Variants in ZBTB32 observed in about 807,000 individuals in gnomAD.
ZBTB32 encodes the protein zinc finger and BTB domain-containing protein 32.
A neutral mutation model predicts 45.3 loss-of-function variants in ZBTB32; 28 were observed. The ratio of observed to expected loss-of-function variants is 0.62; its 90% CI spans 0.46 to 0.85. ZBTB32 has a LOEUF of 0.85. Among genes scored for constraint, ZBTB32 ranks in the 40% least tolerant of loss-of-function variants. The probability of loss-of-function intolerance (pLI) is 0.00; values close to 1 mark genes in which losing one functional copy is unlikely to be tolerated. For synonymous variants in ZBTB32, 283 were observed against 255.7 expected (o/e 1.11, Z -1.02); for missense variants, 587 against 624.4 (o/e 0.94, Z 0.64).
At chr19:35,712,436 C>T (rs925200313) in intron 1 of ZBTB32, among the ~76,000 whole-genome samples, 3 of 152,182 alleles carry the variant, frequency 2.0e-5, no homozygotes, top group African/African-American at 7.2e-5. Context: ...GGCAACAGAG[C>T]AAGACCCCGT....
rs1443446787 is a variant in ZBTB32, at chr19:35,715,506, A to T, written c.880A>T (p.Arg294Trp). The change falls in exon 3 of 7, where the codon AGG (arginine) becomes TGG (tryptophan). Residue 294 changes from arginine to tryptophan, a missense_variant and splice_region_variant. Transcript: ENST00000392197. ...GAWQEVWREQ[R>W]IPLSLNAPKG... ...CTGGCAGGAGGTCTGGCGGGAACAG[A>T]GGTGAGTGGCGGGGTCTAGTGCTCT... The T allele has an allele frequency of 2.0e-6, 3 of 1,536,072 alleles. No individual in the cohort carries two copies. Among genetic ancestry groups the T allele is most frequent in the Non-Finnish European group, 2.6e-6 (3 of 1,144,478 alleles).
intron 1 of ZBTB32, among the ~76,000 whole-genome samples, chr19:35,712,033 A>AAG (rs1488309677): frequency 2.8e-5 from 3 of 107,408 alleles, no homozygotes; most frequent in African/African-American, 9.0e-5. Flanking sequence ...TCAAAAAAAA[A>AAG]AAAAAAAAAA....
At chr19:35,705,812 G>C (rs955399153) in intron 1 of ZBTB32, among the ~76,000 whole-genome samples, 1 of 151,666 alleles carries the variant, frequency 6.6e-6, no homozygotes, top group Non-Finnish European at 1.5e-5. Context: ...TCAGGAGTCT[G>C]AGGCAGGAGA....
chr19:35,706,740 A>G (rs1436128371), intron 1 of ZBTB32, among the ~76,000 whole-genome samples: 1 of 151,858 alleles, frequency 6.6e-6, no homozygotes, highest in African/African-American at 2.4e-5. Flanking sequence ...TAAGTAAATA[A>G]CATAAAGGAA....
chr19:35,714,146 G>C (rs1036281374), intron 2 of ZBTB32: 1 of 152,890 alleles, frequency 6.5e-6, no homozygotes, highest in Non-Finnish European at 1.5e-5. Context: ...CCATCCCTTA[G>C]TGCCGGCGTT....
At chr19:35,715,595 C>T in intron 3 of ZBTB32, 88 bp downstream of exon 3, 3 of 1,481,678 alleles carry the variant, frequency 2.0e-6, no homozygotes, top group Admixed American at 2.3e-5. Context: ...GGCACTGCAT[C>T]TCTACTGCAC....
chr19:35,716,841 C>A lies in ZBTB32; in HGVS notation c.*89C>A, dbSNP rs1968930597. On this transcript the variant is annotated 3_prime_UTR_variant, in exon 7 of 7. Coordinates refer to ENST00000392197, the MANE Select transcript of ZBTB32 (RefSeq NM_014383.3). The stretch of plus-strand genomic sequence containing the variant: ...TTCTGACCTGGCACCGCTGCTACGG[C>A]GGCCTAGCAAATTCCGCCCCAGAAG... 1 of 1,482,580 alleles carries A rather than the reference C, an allele frequency of 6.7e-7. No individual in the cohort carries two copies. The highest frequency in any genetic ancestry group is 9.1e-7 in the Non-Finnish European group (1 of 1,103,038). 91.8% of individuals were successfully genotyped at this position (1,482,580 alleles called of 1,614,324 possible).
chr19:35,705,121 CAT>C (rs1968506483), intron 1 of ZBTB32, among the ~76,000 whole-genome samples: 1 of 151,946 alleles, frequency 6.6e-6, no homozygotes, highest in South Asian at 2.1e-4. Flanking sequence ...GCCTGGCCAA[CAT>C]GGAGAAACCC....
Position 35,706,564 on chromosome 19 carries a change from A to C in ZBTB32, c.-222+1941A>C, listed in dbSNP as rs908904789. Among the ~76,000 whole-genome samples, 4 of 152,138 alleles carry C rather than the reference A, an allele frequency of 2.6e-5. No individual in the cohort carries two copies. In the South Asian group the frequency reaches 8.3e-4, roughly 32 times the overall value. On this transcript the variant is annotated intron_variant, in intron 1 of 6. Transcript: ENST00000392197. Reference sequence around the variant, plus strand: ...TGGTGAAACCCCATCTCTACTAAAAATGCAAAAAATTAGCCGGGCATGGTA... The same window carrying C: ...TGGTGAAACCCCATCTCTACTAAAACTGCAAAAAATTAGCCGGGCATGGTA...
chr19:35,709,363 A>C (rs914583809), intron 1 of ZBTB32, among the ~76,000 whole-genome samples: 1 of 152,198 alleles, frequency 6.6e-6, no homozygotes, highest in Admixed American at 6.5e-5. Flanking sequence ...CATCCCTCCC[A>C]TTGGTCTATT....
Position 35,716,017 on chromosome 19 carries a change from G to C in ZBTB32, c.1024+10G>C. 1 of 1,611,508 alleles carries C rather than the reference G, an allele frequency of 6.2e-7. No individual in the cohort carries two copies. ...GATCAGGGGCACACAGGTGAGTCGG[G>C]CGGGGGCACTCGTGCCTCAGCCCCA... On this transcript the variant is annotated intron_variant, in intron 5 of 6. Transcript: ENST00000392197.
intron 1 of ZBTB32, among the ~76,000 whole-genome samples, chr19:35,709,231 G>A (rs1027746770): frequency 6.6e-6 from 1 of 152,172 alleles, no homozygotes; most frequent in Admixed American, 6.6e-5. Flanking sequence ...ATGGGTTCAC[G>A]GGAAGAGTGG....
At chr19:35,712,887 C>G (rs1259259114) in intron 1 of ZBTB32, 30 bp from the exon 2 acceptor site, 2 of 152,114 alleles carry the variant, frequency 1.3e-5, no homozygotes, top group Non-Finnish European at 2.9e-5. Flanking sequence ...TCTTGGGATC[C>G]AAATGTTTCA....
At chr19:35,712,681 A>G (rs574773386) in intron 1 of ZBTB32, among the ~76,000 whole-genome samples, 1 of 152,328 alleles carries the variant, frequency 6.6e-6, no homozygotes, top group East Asian at 1.9e-4. Flanking sequence ...GTCATTTGTC[A>G]TCAGCCCAAG....
At chr19:35,713,923 C>T (rs1332176623) in intron 2 of ZBTB32, among the ~76,000 whole-genome samples, 1 of 152,258 alleles carries the variant, frequency 6.6e-6, no homozygotes, top group Non-Finnish European at 1.5e-5. Context: ...TGCACCTGCT[C>T]TCCTCTTTCT....
At chr19:35,716,070 G>A in intron 5 of ZBTB32, 63 bp downstream of exon 5, 1 of 1,611,382 alleles carries the variant, frequency 6.2e-7, no homozygotes, top group East Asian at 2.2e-5. Context: ...CTGCCTGAAT[G>A]GTACAGTGAG....
In ZBTB32 at chr19:35,716,855, C is replaced by T; in HGVS notation, c.*103C>T. 1 of 1,426,878 alleles carries T rather than the reference C, an allele frequency of 7.0e-7. No individual in the cohort carries two copies. Among genetic ancestry groups the T allele is most frequent in the Non-Finnish European group, 9.4e-7 (1 of 1,058,530 alleles). The allele number at this position is 1,426,878 out of a possible 1,614,324, so 88.4% of individuals were successfully genotyped here. A position where few individuals can be genotyped will look rare whatever the true frequency, so the allele number is the denominator to read the frequency against. ...CGCTGCTACGGCGGCCTAGCAAATT[C>T]CGCCCCAGAAGCGCCCCAGGAAGGG... is the stretch of plus-strand genomic sequence containing the variant. On this transcript the variant is annotated 3_prime_UTR_variant, in exon 7 of 7. Transcript: ENST00000392197.
Position 35,716,652 on chromosome 19 carries a change from T to G in ZBTB32, c.1364T>G (p.Leu455Arg). 6.2e-7 allele frequency: 1 copy of G among 1,613,754 alleles called. No individual in the cohort carries two copies. The highest frequency in any genetic ancestry group is 8.5e-7 in the Non-Finnish European group (1 of 1,179,936). The change falls in exon 7 of 7, where the codon CTC becomes CGC. Residue 455 changes from leucine to arginine, a missense_variant. By Grantham distance (102) the Leu-to-Arg change is moderately radical. Coordinates refer to ENST00000392197, the MANE Select transcript of ZBTB32 (RefSeq NM_014383.3). ...AHMRGHSPSQLPPGWTIRSTF... is the reference protein window; with the variant it reads ...AHMRGHSPSQRPPGWTIRSTF... ...ATGCGCGGTCACTCGCCCAGCCAAC[T>G]CCCGCCCGGATGGACCATCCGCTCC... is the stretch of plus-strand genomic sequence containing the variant.
In ZBTB32 at chr19:35,715,339, C is replaced by A. The variant is rs747544492; in HGVS notation, c.713C>A (p.Ser238Tyr). The A allele has an allele frequency of 6.2e-7, 1 of 1,604,268 alleles. No homozygotes were observed. The highest frequency in any genetic ancestry group is 8.5e-7 in the Non-Finnish European group (1 of 1,176,456). Residue 238 changes from serine (S) to tyrosine (Y), a missense_variant, in exon 3 of 7, where the codon TCC (serine) becomes TAC (tyrosine). Transcript: ENST00000392197. ...CCTGGCCCCCTTCCCCCAGCAGGCT[C>A]CCTGCAAACCAGCGTCACCCCTAGG... ...KLPGPLPPAG[S>Y]LQTSVTPRPS...
Sources: allele counts gnomAD v4.1 joint callset (sites outside exome capture counted in the v4.1 genomes callset), GRCh38; gene constraint gnomAD v4.1.1; transcripts MANE v1.5; gene names NCBI Gene and HGNC (gene_info 2026-07-23, HGNC 2026-07-21).